Variants in EYS observed in about 807,000 individuals in gnomAD.
EYS encodes EGF-like photoreceptor maintenance factor, also known as protein eyes shut homolog.
In EYS, 250 loss-of-function variants were observed where a neutral mutation model predicts 282.1. The ratio of observed to expected loss-of-function variants is 0.89; its 90% CI spans 0.80 to 0.98. The LOEUF is 0.98. Among genes scored for constraint, EYS ranks in the 50% least tolerant of loss-of-function variants. The pLI, the probability that EYS is intolerant of heterozygous loss-of-function variation, is 0.00. For missense variants in EYS, 4,016 were observed against 3,709.0 expected, an observed-to-expected ratio of 1.08 and a Z score of -2.15; for synonymous variants, 1,355 against 1,282.9, an observed-to-expected ratio of 1.06 and a Z score of -1.20.
At chr6:64,651,556 G>A (rs941886445) in intron 22 of EYS, among the ~76,000 whole-genome samples, 3 of 152,250 alleles carry the variant, frequency 2.0e-5, no homozygotes, top group Admixed American at 6.5e-5. Flanking sequence ...AGTGGCTTAC[G>A]CCTGTAATCC....
At chr6:64,063,108 T>G (rs1299029352) in intron 33 of EYS, among the ~76,000 whole-genome samples, 1 of 152,196 alleles carries the variant, frequency 6.6e-6, no homozygotes, top group East Asian at 1.9e-4. Flanking sequence ...ATACAGTTAT[T>G]AAATGTTAGC....
intron 1 of EYS, among the ~76,000 whole-genome samples, chr6:65,687,327 T>C (rs1769059083): frequency 6.6e-6 from 1 of 152,022 alleles, no homozygotes; most frequent in Admixed American, 6.6e-5. Flanking sequence ...AACATAACAG[T>C]CCAGTTGGAA....
intron 29 of EYS, among the ~76,000 whole-genome samples, chr6:64,320,212 A>G (rs1770161553): frequency 6.6e-6 from 1 of 151,914 alleles, no homozygotes; most frequent in Non-Finnish European, 1.5e-5. Context: ...ATTATTAGAT[A>G]TATTGTTTGA....
At chr6:63,903,977 T>A (rs1356466510) in intron 35 of EYS, among the ~76,000 whole-genome samples, 6 of 152,250 alleles carry the variant, frequency 3.9e-5, no homozygotes, top group Non-Finnish European at 7.3e-5. Flanking sequence ...CTTTTCTACA[T>A]ATAGCCCTCC....
At chr6:64,681,620 G>A (rs1426181416) in intron 22 of EYS, among the ~76,000 whole-genome samples, 6 of 152,218 alleles carry the variant, frequency 3.9e-5, no homozygotes, top group African/African-American at 1.4e-4. Context: ...ACGGCCGGGC[G>A]CGGTGGCTCA....
At chr6:65,412,426 G>T (rs1403046791) in intron 5 of EYS, among the ~76,000 whole-genome samples, 1 of 152,086 alleles carries the variant, frequency 6.6e-6, no homozygotes, top group Non-Finnish European at 1.5e-5. Context: ...TTCCAAAGTG[G>T]CTGTACTAGT....
intron 26 of EYS, among the ~76,000 whole-genome samples, chr6:64,498,090 T>C (rs182928563): frequency 8.1e-4 from 124 of 152,298 alleles, no homozygotes; most frequent in African/African-American, 2.9e-3. Context: ...TTTTGATTTG[T>C]GGAAGTTTTC....
At chr6:63,799,074 C>A (rs1582218667) in intron 37 of EYS, among the ~76,000 whole-genome samples, 1 of 144,998 alleles carries the variant, frequency 6.9e-6, no homozygotes, top group East Asian at 2.0e-4. Flanking sequence ...AGTGCAATGG[C>A]ACGATCTCAG....
intron 35 of EYS, among the ~76,000 whole-genome samples, chr6:63,934,927 TAAC>T (rs1004436951): frequency 7.2e-5 from 11 of 152,072 alleles, no homozygotes; most frequent in Admixed American, 3.9e-4. Context: ...AAAATAAAAA[TAAC>T]AACAACAAAA....
intron 19 of EYS, among the ~76,000 whole-genome samples, chr6:64,838,002 A>G (rs1275132002): frequency 1.3e-5 from 2 of 151,774 alleles, no homozygotes; most frequent in Non-Finnish European, 2.9e-5. Context: ...TTAAATTTAT[A>G]CAAACTTTAA....
At chr6:65,116,564 C>G (rs9294633) in intron 12 of EYS, among the ~76,000 whole-genome samples, 39,818 of 151,832 alleles carry the variant, frequency 0.26, 6,414 homozygotes, top group African/African-American at 0.45. Context: ...GGCTATTGAA[C>G]GTGACAAGGA....
intron 5 of EYS, among the ~76,000 whole-genome samples, chr6:65,448,385 C>T (rs1021480123): frequency 1.3e-5 from 2 of 151,730 alleles, no homozygotes; most frequent in African/African-American, 4.9e-5. Context: ...ATATGATTAG[C>T]CCAAACTGTA....
intron 6 of EYS, among the ~76,000 whole-genome samples, chr6:65,404,579 G>T (rs1253422668): frequency 1.3e-5 from 2 of 151,742 alleles, no homozygotes; most frequent in Non-Finnish European, 2.9e-5. Flanking sequence ...TATTGTAGAA[G>T]AAATATCAGG....
intron 5 of EYS, among the ~76,000 whole-genome samples, chr6:65,480,800 T>A (rs1458542629): frequency 2.0e-5 from 3 of 152,154 alleles, no homozygotes; most frequent in African/African-American, 7.2e-5. Flanking sequence ...AATCCTGTCA[T>A]TCCTGGCAAC....
intron 2 of EYS, among the ~76,000 whole-genome samples, chr6:65,572,567 A>G (rs968441962): frequency 2.0e-5 from 3 of 152,184 alleles, no homozygotes; most frequent in African/African-American, 7.2e-5. Context: ...TAAAATATAC[A>G]GTCATGTGCC....
At chr6:65,328,234 C>G (rs1251172453) in intron 11 of EYS, among the ~76,000 whole-genome samples, 1 of 151,424 alleles carries the variant, frequency 6.6e-6, no homozygotes, top group East Asian at 1.9e-4. Flanking sequence ...GACAATGACT[C>G]TAGAAGTTCC....
At chr6:64,619,577 T>C (rs1307072377) in intron 23 of EYS, among the ~76,000 whole-genome samples, 1 of 152,214 alleles carries the variant, frequency 6.6e-6, no homozygotes, top group African/African-American at 2.4e-5. Context: ...GTTAGGCTTC[T>C]ACTCTCCCAA....
Position 64,170,079 on chromosome 6 carries a change from G to A in EYS, c.6424+60513C>T, listed in dbSNP as rs550512274. 2.6e-5 allele frequency among the ~76,000 whole-genome samples: 4 copies of A among 152,196 alleles called. No homozygotes were observed. The East Asian group carries it at 5.8e-4, about 22-fold the overall frequency. Reference sequence around the variant, plus strand: ...GTAGGCAATTAGTGGGCTGCAATGCGAACAGCTGGGAGAGACAGATGAAAG... The same window carrying A: ...GTAGGCAATTAGTGGGCTGCAATGCAAACAGCTGGGAGAGACAGATGAAAG... On this transcript the variant is annotated intron_variant, in intron 31 of 42. Transcript: ENST00000503581.
intron 19 of EYS, among the ~76,000 whole-genome samples, chr6:64,868,781 A>G (rs1766501153): frequency 6.6e-6 from 1 of 151,514 alleles, no homozygotes; most frequent in Admixed American, 6.6e-5. Context: ...TGTTGATTAA[A>G]TTATACAAAC....
Sources: gnomAD v4.1 joint callset for allele counts (sites outside exome capture counted in the v4.1 genomes callset) on GRCh38, gnomAD v4.1.1 for gene constraint, MANE v1.5 for transcripts, NCBI Gene and HGNC (gene_info 2026-07-23, HGNC 2026-07-21) for gene names.